Variants in PFKFB3 observed in about 807,000 individuals in gnomAD.
PFKFB3 encodes 6-phosphofructo-2-kinase/fructose-2,6-biphosphatase 3.
Under a neutral mutation model 68.0 loss-of-function variants are expected in PFKFB3, and 33 were observed. That is an observed-to-expected ratio of 0.49 (90% CI 0.37 to 0.65). The LOEUF (loss-of-function observed/expected upper bound fraction) is 0.65, where lower values mean the gene tolerates loss of function less well. PFKFB3 is among the 30% of genes least tolerant of loss of function. The pLI, the probability that PFKFB3 is intolerant of heterozygous loss-of-function variation, is 0.00. For synonymous variants in PFKFB3, 315 were observed against 288.2 expected (o/e 1.09, Z -0.94); for missense variants, 586 against 712.2 (o/e 0.82, Z 2.02).
chr10:6,232,759 TTTC>T (rs1393460545), intron 14 of PFKFB3, 133 bp from the exon 15 acceptor site: 2 of 736,004 alleles, frequency 2.7e-6, no homozygotes, highest in African/African-American at 3.5e-5. Flanking sequence ...TGGCAGCACC[TTTC>T]TTGGATCATG....
intron 1 of PFKFB3, among the ~76,000 whole-genome samples, chr10:6,182,319 G>A (rs1842735765): frequency 6.6e-6 from 1 of 152,124 alleles, no homozygotes; most frequent in Admixed American, 6.5e-5. Flanking sequence ...TAGACTGGGG[G>A]TCTGGGTGCA....
At chr10:6,211,278 G>A (rs1260847537) in intron 1 of PFKFB3, among the ~76,000 whole-genome samples, 1 of 152,182 alleles carries the variant, frequency 6.6e-6, no homozygotes, top group Non-Finnish European at 1.5e-5. Context: ...TGATTAGTGG[G>A]TAGACATAAT....
At chr10:6,219,428 C>T (rs746197945) in intron 6 of PFKFB3, 141 bp from the exon 7 acceptor site, 5 of 842,382 alleles carry the variant, frequency 5.9e-6, no homozygotes, top group Non-Finnish European at 9.6e-6. Flanking sequence ...GCATCTTTCT[C>T]CCTTTCTCTT....
the PFKFB3 span, among the ~76,000 whole-genome samples, chr10:6,325,501 AT>A: frequency 9.9e-5 from 15 of 152,214 alleles, no homozygotes; most frequent in Admixed American, 7.9e-4. Context: ...CACACAATGA[AT>A]ATTTATCAAT....
chr10:6,262,378 CTGG>C, the PFKFB3 span, among the ~76,000 whole-genome samples: 15 of 135,504 alleles, frequency 1.1e-4, no homozygotes, highest in Non-Finnish European at 2.4e-4. Context: ...GGCGTGAACC[CTGG>C]GGGGCGGAGC....
Position 6,228,218 on chromosome 10 carries a change from T to G in PFKFB3, c.1515+1853T>G. On this transcript the variant is annotated intron_variant, in intron 14 of 14. Transcript: ENST00000379775. This position sits in a 1 kb window ranked among gnomAD's most constrained non-coding sequence, Gnocchi z 4.5. ...CAGCCTTTGCTAGGGCAAGCCTGTC[T>G]GTAAGTATCTCTCCGATCATCGCTG... 6.2e-7 allele frequency: 1 copy of G among 1,612,782 alleles called. No individual in the cohort carries two copies. The highest frequency in any genetic ancestry group is 8.5e-7 in the Non-Finnish European group (1 of 1,179,864).
At chr10:6,222,386 G>C (rs1404317122) in intron 10 of PFKFB3, among the ~76,000 whole-genome samples, 1 of 152,208 alleles carries the variant, frequency 6.6e-6, no homozygotes, top group African/African-American at 2.4e-5. Flanking sequence ...CTTTCATCAC[G>C]TTAAAGTTAT....
At chr10:6,294,407 C>T in the PFKFB3 span, 1 of 300,738 alleles carries the variant, frequency 3.3e-6, no homozygotes, top group Non-Finnish European at 6.6e-6. Context: ...GGAGCAAAGT[C>T]ATGTCTTATA....
At chr10:6,270,086 C>T in the PFKFB3 span, among the ~76,000 whole-genome samples, 8 of 152,086 alleles carry the variant, frequency 5.3e-5, no homozygotes, top group African/African-American at 1.4e-4. Flanking sequence ...GAGCCGAGAT[C>T]GCGCCATTGT....
At chr10:6,242,833 C>T (rs896554315) in intron 14 of PFKFB3, among the ~76,000 whole-genome samples, 3 of 152,208 alleles carry the variant, frequency 2.0e-5, no homozygotes, top group African/African-American at 7.2e-5. Flanking sequence ...GGTGATCCGC[C>T]CACCTCGGCC....
chr10:6,295,982 C>T, the PFKFB3 span, among the ~76,000 whole-genome samples: 1 of 152,168 alleles, frequency 6.6e-6, no homozygotes, highest in African/African-American at 2.4e-5. Context: ...CAGTTTCACA[C>T]ACTACAACAG....
chr10:6,302,808 T>TTTGTG, the PFKFB3 span, among the ~76,000 whole-genome samples: 3 of 112,260 alleles, frequency 2.7e-5, no homozygotes, highest in African/African-American at 8.4e-5. Flanking sequence ...ATATATATAT[T>TTTGTG]TGTGTGTGTG....
At chr10:6,195,464 G>A (rs530030719) in intron 1 of PFKFB3, among the ~76,000 whole-genome samples, 1 of 152,314 alleles carries the variant, frequency 6.6e-6, no homozygotes, top group South Asian at 2.1e-4. Context: ...ATGAAAACAA[G>A]CAAGATCCAA....
In PFKFB3 at chr10:6,233,024, TGAG is replaced by T. The variant is rs1845840302; in HGVS notation, c.*85_*87del. 3 of 1,082,032 alleles carry T rather than the reference TGAG, an allele frequency of 2.8e-6. No homozygotes were observed. In the African/African-American group the frequency reaches 4.6e-5, roughly 17 times the overall value. The allele number at this position is 1,082,032 out of a possible 1,614,324, so 67.0% of individuals were successfully genotyped here. ...CCTCCGCCCGAGGCAAAACGTATCC[TGAG>T]GACTTCTTCCGGAGAGGGTGGGGTG... On this transcript the variant is annotated 3_prime_UTR_variant, in exon 15 of 15. Coordinates refer to ENST00000379775, the MANE Select transcript of PFKFB3 (RefSeq NM_004566.4).
chr10:6,263,789 G>A, the PFKFB3 span, among the ~76,000 whole-genome samples: 37 of 152,000 alleles, frequency 2.4e-4, no homozygotes, highest in Non-Finnish European at 4.7e-4. Context: ...GGGCCTAAAC[G>A]ATTCTCGTGC....
chr10:6,201,465 G>A (rs1843348266), upstream of PFKFB3, among the ~76,000 whole-genome samples: 1 of 141,750 alleles, frequency 7.1e-6, no homozygotes, highest in African/African-American at 2.6e-5. The surrounding 1 kb of genome is among the most constrained non-coding windows in gnomAD (Gnocchi z 4.1). Flanking sequence ...GGGAGTGGGG[G>A]TCGAGGCGTG....
the PFKFB3 span, among the ~76,000 whole-genome samples, chr10:6,319,022 C>G: frequency 6.6e-6 from 1 of 152,096 alleles, no homozygotes; most frequent in Non-Finnish European, 1.5e-5. Context: ...CTTTGTGGAC[C>G]CTTGATCAAT....
At chr10:6,319,258 A>G in the PFKFB3 span, among the ~76,000 whole-genome samples, 1 of 152,206 alleles carries the variant, frequency 6.6e-6, no homozygotes, top group Non-Finnish European at 1.5e-5. Flanking sequence ...AAGAAATTAA[A>G]CTAAGTGTCC....
At chr10:6,288,591 T>A in the PFKFB3 span, among the ~76,000 whole-genome samples, 1 of 151,876 alleles carries the variant, frequency 6.6e-6, no homozygotes, top group Middle Eastern at 3.2e-3. Flanking sequence ...ATTTTCTTAA[T>A]CCAGTCTATC....
Sources: allele counts gnomAD v4.1 joint callset (sites outside exome capture counted in the v4.1 genomes callset), GRCh38; gene constraint gnomAD v4.1.1; non-coding constraint Gnocchi (gnomAD v3.1); transcripts MANE v1.5; gene names NCBI Gene and HGNC (gene_info 2026-07-23, HGNC 2026-07-21).